The following PLPP1 variants were observed in gnomAD, a reference collection of about 807,000 sequenced individuals.
PLPP1 encodes lipid phosphate phosphohydrolase 1a.
PLPP1 carries 24 observed loss-of-function variants against 31.2 expected under a neutral mutation model. The ratio of observed to expected loss-of-function variants is 0.77; its 90% confidence interval spans 0.56 to 1.08. PLPP1 has a LOEUF of 1.08. Ranked by LOEUF, PLPP1 falls within the 50% of genes least tolerant of loss-of-function variation. PLPP1 has a pLI of 0.00. For synonymous variants in PLPP1, 146 were observed against 126.3 expected (o/e 1.16, Z -1.05); for missense variants, 319 against 342.7 (o/e 0.93, Z 0.55).
chr5:55,498,899 C>T (rs1488999806), intron 1 of PLPP1, among the ~76,000 whole-genome samples: 4 of 152,146 alleles, frequency 2.6e-5, no homozygotes, highest in African/African-American at 9.7e-5. Flanking sequence ...ATCTTGAAGG[C>T]AATTTGTGTA....
rs33982765 is a variant in PLPP1, at chr5:55,457,888, CA to C, written c.491+9980del. ...TGGGTGACACAGCGAGACTCTGTCT[CA>C]AAAAAAAAAAAAAATCATTTACAAT... On this transcript the variant is annotated intron_variant, in intron 3 of 5. Coordinates refer to ENST00000307259, the MANE Select transcript of PLPP1 (RefSeq NM_003711.4). Among the ~76,000 whole-genome samples, 88 of 143,188 alleles carry C rather than the reference CA, an allele frequency of 6.1e-4. 2 individuals carry two copies. In the South Asian group the frequency reaches 0.012, roughly 20 times the overall value. The allele number at this position is 143,188 out of a possible 152,430, so 93.9% of individuals were successfully genotyped here.
chr5:55,530,272 C>T (rs899061991), intron 1 of PLPP1: 25 of 1,508,384 alleles, frequency 1.7e-5, no homozygotes, highest in South Asian at 6.8e-5. Context: ...AGATGACTAA[C>T]GAAATTTCTG....
At chr5:55,513,895 C>T (rs1326680934) in intron 1 of PLPP1, among the ~76,000 whole-genome samples, 1 of 152,186 alleles carries the variant, frequency 6.6e-6, no homozygotes, top group East Asian at 1.9e-4. Context: ...CACTGCACTT[C>T]AGCCTGGGAG....
At chr5:55,426,810 A>T (rs368715076) in intron 4 of PLPP1, among the ~76,000 whole-genome samples, 3 of 152,174 alleles carry the variant, frequency 2.0e-5, no homozygotes, top group Admixed American at 6.5e-5. Context: ...TTAATTAACC[A>T]AAGAGAGCTC....
chr5:55,458,887 C>CAAAAAAAAAAAAAAAAAAAA (rs529067608), intron 3 of PLPP1, among the ~76,000 whole-genome samples: 3 of 21,098 alleles, frequency 1.4e-4, no homozygotes, highest in African/African-American at 2.2e-4. Context: ...ACCCTGTCTC[C>CAAAAAAAAAAAAAAAAAAAA]AAAAAAAAAA....
intron 3 of PLPP1, among the ~76,000 whole-genome samples, chr5:55,463,776 G>C (rs1400318568): frequency 7.3e-6 from 1 of 137,218 alleles, no homozygotes; most frequent in East Asian, 2.1e-4. Flanking sequence ...GCAAGACCCT[G>C]TCCCATAAAT....
At chr5:55,530,457 TG>T in intron 1 of PLPP1, 1 of 1,252,780 alleles carries the variant, frequency 8.0e-7, no homozygotes, top group Non-Finnish European at 1.2e-6. Flanking sequence ...TGTATTCTCT[TG>T]GTAAGTTTCT....
chr5:55,454,256 T>G (rs1751957115), intron 3 of PLPP1, among the ~76,000 whole-genome samples: 1 of 152,058 alleles, frequency 6.6e-6, no homozygotes, highest in Admixed American at 6.6e-5. Context: ...AGTTAGCCAA[T>G]CCTATATCTC....
In PLPP1 at chr5:55,424,981, C is replaced by A; in HGVS notation, c.*225G>T. 1 of 660,806 alleles carries A rather than the reference C, an allele frequency of 1.5e-6. No individual in the cohort carries two copies. The highest frequency in any genetic ancestry group is 2.5e-6 in the Non-Finnish European group (1 of 399,736). The allele number at this position is 660,806 out of a possible 1,614,324, so 40.9% of individuals were successfully genotyped here. A position where few individuals can be genotyped will look rare whatever the true frequency, so the allele number is the denominator to read the frequency against. On this transcript the variant is annotated 3_prime_UTR_variant, in exon 6 of 6. Transcript: ENST00000307259. Reference sequence around the variant, plus strand: ...AATAAAAATGTATACAGGTGGGGCACTGTTTTGGTGGAAGGCTTGGAGTTT... The same window carrying A: ...AATAAAAATGTATACAGGTGGGGCAATGTTTTGGTGGAAGGCTTGGAGTTT...
intron 1 of PLPP1, among the ~76,000 whole-genome samples, chr5:55,500,175 G>A (rs1753107325): frequency 6.6e-6 from 1 of 150,494 alleles, no homozygotes; most frequent in Non-Finnish European, 1.5e-5. Context: ...CACTTCCCGG[G>A]TTCACACCAT....
chr5:55,522,589 A>G (rs764828286), intron 1 of PLPP1, among the ~76,000 whole-genome samples: 5 of 152,306 alleles, frequency 3.3e-5, no homozygotes, highest in Admixed American at 1.3e-4. Flanking sequence ...GACAGCAGAT[A>G]TACTCAAAAT....
At chr5:55,442,281 G>T (rs1751638080) in intron 3 of PLPP1, among the ~76,000 whole-genome samples, 1 of 152,158 alleles carries the variant, frequency 6.6e-6, no homozygotes, top group South Asian at 2.1e-4. Flanking sequence ...TTTTCCACTT[G>T]CAGGATTAGT....
At chr5:55,444,270 G>C (rs989162261) in intron 3 of PLPP1, among the ~76,000 whole-genome samples, 1 of 152,098 alleles carries the variant, frequency 6.6e-6, no homozygotes, top group African/African-American at 2.4e-5. Flanking sequence ...TAGTAGAGAC[G>C]AGGTTTCGCC....
chr5:55,474,390 C>CAA (rs543547296), intron 2 of PLPP1, among the ~76,000 whole-genome samples: 34 of 152,292 alleles, frequency 2.2e-4, no homozygotes, highest in African/African-American at 8.2e-4. Context: ...CATAATATTA[C>CAA]AAGCTATGGA....
At chr5:55,481,594 A>T (rs1333571817) in intron 1 of PLPP1, among the ~76,000 whole-genome samples, 7 of 152,148 alleles carry the variant, frequency 4.6e-5, no homozygotes, top group Non-Finnish European at 1.0e-4. Flanking sequence ...AGTTTGGAAG[A>T]AAAAAAGACC....
intron 4 of PLPP1, among the ~76,000 whole-genome samples, chr5:55,426,244 G>C: frequency 6.6e-6 from 1 of 152,108 alleles, no homozygotes; most frequent in East Asian, 1.9e-4. Flanking sequence ...TTGTTCACAA[G>C]AATCTATTGC....
intron 1 of PLPP1, among the ~76,000 whole-genome samples, chr5:55,478,370 A>G (rs1752602173): frequency 6.6e-6 from 1 of 152,230 alleles, no homozygotes; most frequent in Non-Finnish European, 1.5e-5. Context: ...TACAAATTGA[A>G]TAAGGCACAG....
chr5:55,529,176 C>T (rs1349447762), intron 1 of PLPP1, among the ~76,000 whole-genome samples: 1 of 151,750 alleles, frequency 6.6e-6, no homozygotes, highest in African/African-American at 2.4e-5. Flanking sequence ...ACTTCAACCC[C>T]CTATTGCTTG....
chr5:55,442,036 G>C (rs1229042603), intron 3 of PLPP1, 128 bp from the exon 4 acceptor site: 5 of 826,226 alleles, frequency 6.1e-6, no homozygotes, highest in African/African-American at 1.7e-5. Context: ...AAATTAGAAG[G>C]GTACGGCAGG....
Sources: allele counts gnomAD v4.1 joint callset (sites outside exome capture counted in the v4.1 genomes callset), GRCh38; gene constraint gnomAD v4.1.1; transcripts MANE v1.5; gene names NCBI Gene and HGNC (gene_info 2026-07-23, HGNC 2026-07-21).